The following MEGF10 variants were observed in gnomAD, a reference collection of about 807,000 sequenced individuals.
MEGF10 encodes multiple epidermal growth factor-like domains protein 10.
In MEGF10, 86 loss-of-function variants were observed where a neutral mutation model predicts 147.5. The ratio of observed to expected loss-of-function variants is 0.58; its 90% CI spans 0.49 to 0.70. The LOEUF is 0.70. MEGF10 is among the 30% of genes least tolerant of loss of function. MEGF10 has a pLI of 0.00. For synonymous variants in MEGF10, 478 were observed against 525.5 expected (o/e 0.91, Z 1.24); for missense variants, 1,329 against 1,487.3 (o/e 0.89, Z 1.75).
chr5:127,237,976 A>T, the MEGF10 span, among the ~76,000 whole-genome samples: 1 of 151,638 alleles, frequency 6.6e-6, no homozygotes, highest in Non-Finnish European at 1.5e-5. Flanking sequence ...GATTTTATAC[A>T]AATGTGTTGA....
chr5:127,362,533 T>A (rs1762514573), intron 4 of MEGF10, among the ~76,000 whole-genome samples: 1 of 151,812 alleles, frequency 6.6e-6, no homozygotes, highest in Non-Finnish European at 1.5e-5. Context: ...CCGGCTAATT[T>A]TTTTGTATTT....
chr5:127,375,826 T>C (rs1183666289), intron 5 of MEGF10, among the ~76,000 whole-genome samples: 1 of 152,224 alleles, frequency 6.6e-6, no homozygotes, highest in Non-Finnish European at 1.5e-5. Context: ...TTTAATTAGA[T>C]TGAAGGAACC....
chr5:127,336,908 C>A (rs1024718633), intron 2 of MEGF10, among the ~76,000 whole-genome samples: 1 of 152,048 alleles, frequency 6.6e-6, no homozygotes, highest in Non-Finnish European at 1.5e-5. Flanking sequence ...ACACAGAGGA[C>A]GTTCATTCAC....
At chr5:127,307,410 G>C (rs1209353755) in intron 1 of MEGF10, among the ~76,000 whole-genome samples, 1 of 152,204 alleles carries the variant, frequency 6.6e-6, no homozygotes, top group African/African-American at 2.4e-5. Context: ...CAGAGCCCCA[G>C]CTTCGCCTGG....
At chr5:127,308,162 GT>G (rs1445806260) in intron 1 of MEGF10, among the ~76,000 whole-genome samples, 1 of 152,170 alleles carries the variant, frequency 6.6e-6, no homozygotes, top group South Asian at 2.1e-4. Context: ...AAAAAGCATT[GT>G]TTTTTGTAAT....
At chr5:127,284,250 C>G in the MEGF10 span, among the ~76,000 whole-genome samples, 1 of 152,106 alleles carries the variant, frequency 6.6e-6, no homozygotes, top group African/African-American at 2.4e-5. Flanking sequence ...AGAACCCCAC[C>G]TTTCTAATCC....
intron 4 of MEGF10, among the ~76,000 whole-genome samples, chr5:127,360,987 G>T (rs1340146219): frequency 1.3e-5 from 2 of 151,858 alleles, no homozygotes; most frequent in African/African-American, 2.4e-5. Flanking sequence ...AGTGATACTT[G>T]TTTGTAGTTT....
intron 16 of MEGF10, among the ~76,000 whole-genome samples, chr5:127,436,724 G>A (rs1205384554): frequency 6.6e-6 from 1 of 152,176 alleles, no homozygotes. Flanking sequence ...CTATAGTGTT[G>A]CCTGTCCCAA....
At position 127,396,190 on chromosome 5, in the gene MEGF10, C is replaced by G. The variant is rs1763903375; in HGVS notation, c.413-342C>G. On this transcript the variant is annotated intron_variant, in intron 5 of 24. Coordinates refer to ENST00000503335, the MANE Select transcript of MEGF10 (RefSeq NM_001256545.2). ...TTCCCGTCTGCCTAGCCAGGCTGCTCTCCTTGCAGAACCCCTGAGCTCTTC... is the reference window on the plus strand; with the variant it reads ...TTCCCGTCTGCCTAGCCAGGCTGCTGTCCTTGCAGAACCCCTGAGCTCTTC... Among the ~76,000 whole-genome samples, 5 of 152,346 alleles carry G rather than the reference C, an allele frequency of 3.3e-5. No individual in the cohort carries two copies. In the South Asian group the frequency reaches 1.0e-3, roughly 32 times the overall value.
chr5:127,350,444 C>G (rs889625299), intron 4 of MEGF10, among the ~76,000 whole-genome samples: 10 of 152,112 alleles, frequency 6.6e-5, no homozygotes, highest in Non-Finnish European at 1.2e-4. Context: ...CTTTCTCCTT[C>G]TTTTCTCCCT....
At chr5:127,310,475 A>G (rs1205739963) in intron 1 of MEGF10, among the ~76,000 whole-genome samples, 3 of 152,192 alleles carry the variant, frequency 2.0e-5, no homozygotes, top group East Asian at 3.9e-4. Context: ...ATATCCAAGA[A>G]TCATTGCCAA....
chr5:127,285,410 CAA>C, the MEGF10 span, among the ~76,000 whole-genome samples: 4 of 151,938 alleles, frequency 2.6e-5, no homozygotes, highest in African/African-American at 7.3e-5. Flanking sequence ...AGATTAATAG[CAA>C]ATATGAAAAA....
chr5:127,336,821 G>A (rs1369433215), intron 2 of MEGF10, among the ~76,000 whole-genome samples: 4 of 151,238 alleles, frequency 2.6e-5, no homozygotes, highest in Non-Finnish European at 5.9e-5. Context: ...CTTCTTTTTT[G>A]TTCTTATAGC....
At chr5:127,454,523 C>A in intron 22 of MEGF10, 43 bp from the exon 23 acceptor site, 1 of 1,571,848 alleles carries the variant, frequency 6.4e-7, no homozygotes, top group Non-Finnish European at 8.6e-7. Context: ...GTTTTTCTTC[C>A]TTTCAGTTCT....
chr5:127,251,932 A>G, the MEGF10 span, among the ~76,000 whole-genome samples: 1 of 151,980 alleles, frequency 6.6e-6, no homozygotes, highest in Admixed American at 6.6e-5. Flanking sequence ...GAAAATAACA[A>G]TCCCTCCAAT....
the MEGF10 span, among the ~76,000 whole-genome samples, chr5:127,253,675 T>C: frequency 3.9e-5 from 6 of 152,076 alleles, no homozygotes; most frequent in Non-Finnish European, 5.9e-5. Context: ...AGTTATCATA[T>C]GTATATAATG....
chr5:127,406,940 T>G (rs1215699839), intron 8 of MEGF10, among the ~76,000 whole-genome samples: 3 of 152,194 alleles, frequency 2.0e-5, no homozygotes, highest in African/African-American at 7.2e-5. Flanking sequence ...TGATTGGTGC[T>G]CAGTGAGTAT....
chr5:127,398,334 T>C (rs1303018567), intron 6 of MEGF10, among the ~76,000 whole-genome samples: 1 of 152,082 alleles, frequency 6.6e-6, no homozygotes, highest in Non-Finnish European at 1.5e-5. Flanking sequence ...TAAACAAAAG[T>C]AGACTTAAAC....
At chr5:127,285,598 C>T in the MEGF10 span, among the ~76,000 whole-genome samples, 1 of 151,386 alleles carries the variant, frequency 6.6e-6, no homozygotes, top group African/African-American at 2.4e-5. Context: ...CTAATGAGAC[C>T]CAGTTGACAT....
Sources: allele counts gnomAD v4.1 joint callset (sites outside exome capture counted in the v4.1 genomes callset), GRCh38; gene constraint gnomAD v4.1.1; transcripts MANE v1.5; gene names NCBI Gene and HGNC (gene_info 2026-07-23, HGNC 2026-07-21).